ARSG: variants seen among roughly 807,000 people sequenced by gnomAD.
The protein encoded by ARSG is ASG.
In ARSG, 37 loss-of-function variants were observed where a neutral mutation model predicts 50.5. The observed-to-expected ratio is 0.73, with a 90% CI of 0.56 to 0.96. ARSG has a LOEUF of 0.96. Ranked by LOEUF, ARSG falls within the 50% of genes least tolerant of loss-of-function variation. The pLI is 0.00. For missense variants in ARSG, 629 were observed against 675.3 expected (o/e 0.93, Z 0.76); for synonymous variants, 225 against 254.6 (o/e 0.88, Z 1.11).
chr17:68,437,576 G>A, the ARSG span, among the ~76,000 whole-genome samples: 8 of 151,780 alleles, frequency 5.3e-5, no homozygotes, highest in African/African-American at 1.9e-4. Flanking sequence ...AAGAAACCGA[G>A]CAATTTCTGA....
intron 10 of ARSG, among the ~76,000 whole-genome samples, chr17:68,398,197 T>C (rs887698603): frequency 1.2e-4 from 19 of 152,230 alleles, no homozygotes; most frequent in African/African-American, 2.9e-4. Context: ...CGCATATGCA[T>C]GTGTCTATAT....
chr17:68,427,233 G>C, downstream of ARSG: 1 of 1,613,948 alleles, frequency 6.2e-7, no homozygotes, highest in South Asian at 1.1e-5. Flanking sequence ...ATTCTCTTCT[G>C]TTGTTCCTGA....
At chr17:68,414,202 A>G (rs999399976) in intron 11 of ARSG, 4 of 152,076 alleles carry the variant, frequency 2.6e-5, no homozygotes, top group African/African-American at 9.7e-5. Context: ...TTGTATGCCG[A>G]TTTTGCTGAG....
chr17:68,430,314 C>T, the ARSG span, among the ~76,000 whole-genome samples: 8 of 152,180 alleles, frequency 5.3e-5, no homozygotes, highest in Admixed American at 2.6e-4. Flanking sequence ...CAATCCAGGA[C>T]GTATTATTCT....
At chr17:68,407,201 GGT>G (rs754117697) in intron 11 of ARSG, among the ~76,000 whole-genome samples, 42 of 151,976 alleles carry the variant, frequency 2.8e-4, no homozygotes, top group African/African-American at 8.5e-4. Context: ...TTTATTTCTG[GGT>G]TCTCTATTCT....
At chr17:68,376,590 C>T (rs1174293473) in intron 8 of ARSG, among the ~76,000 whole-genome samples, 1 of 151,986 alleles carries the variant, frequency 6.6e-6, no homozygotes, top group African/African-American at 2.4e-5. Flanking sequence ...TGCACCTGTC[C>T]TATGCCTAGC....
the ARSG span, chr17:68,436,619 G>A: frequency 2.9e-6 from 2 of 696,272 alleles, no homozygotes; most frequent in African/African-American, 1.8e-5. Context: ...ACTGCTTTCC[G>A]CTGATGATTC....
intron 1 of ARSG, among the ~76,000 whole-genome samples, chr17:68,286,338 G>A (rs1568419348): frequency 6.6e-6 from 1 of 152,126 alleles, no homozygotes; most frequent in Non-Finnish European, 1.5e-5. Context: ...AAAGCTGAAG[G>A]GGAAAATTGA....
At chr17:68,433,438 T>G in the ARSG span, 55 of 1,593,514 alleles carry the variant, frequency 3.5e-5, no homozygotes, top group Non-Finnish European at 4.3e-5. Context: ...TTTCGTTTAA[T>G]GAGCATTTGG....
intron 9 of ARSG, among the ~76,000 whole-genome samples, chr17:68,386,679 T>C (rs995910227): frequency 1.3e-5 from 2 of 152,112 alleles, no homozygotes; most frequent in Non-Finnish European, 2.9e-5. Flanking sequence ...TAGGGCTGAC[T>C]TGGTGTAGTC....
intron 9 of ARSG, among the ~76,000 whole-genome samples, chr17:68,394,655 G>A (rs1318137486): frequency 6.6e-6 from 1 of 151,986 alleles, no homozygotes; most frequent in African/African-American, 2.4e-5. Context: ...GAATAAACAT[G>A]TTTGATTTAT....
At chr17:68,343,515 A>G in intron 2 of ARSG, 89 bp from the exon 3 acceptor site, 3 of 1,263,328 alleles carry the variant, frequency 2.4e-6, no homozygotes, top group Non-Finnish European at 3.3e-6. Flanking sequence ...TTGAGCACTG[A>G]AATTGCAGGA....
the ARSG span, chr17:68,433,407 G>T: frequency 7.0e-7 from 1 of 1,425,090 alleles, no homozygotes; most frequent in Non-Finnish European, 9.9e-7. Flanking sequence ...CATGCCAGTA[G>T]AAGAGCCTAG....
intron 1 of ARSG, among the ~76,000 whole-genome samples, chr17:68,272,215 G>T (rs2075365249): frequency 6.6e-6 from 1 of 152,174 alleles, no homozygotes; most frequent in Non-Finnish European, 1.5e-5. Context: ...TGGGATTACA[G>T]GTGTAAGCCA....
At chr17:68,304,024 C>T (rs1555762983) in intron 1 of ARSG, among the ~76,000 whole-genome samples, 1 of 152,188 alleles carries the variant, frequency 6.6e-6, no homozygotes, top group African/African-American at 2.4e-5. Context: ...ACTGAAGAAA[C>T]ACAATCTGTT....
downstream of ARSG, chr17:68,426,252 G>GGGGGA: frequency 2.4e-6 from 2 of 828,182 alleles, no homozygotes; most frequent in Non-Finnish European, 3.8e-6. Context: ...TGGGGAGCGG[G>GGGGGA]GGCTCAAATA....
intron 6 of ARSG, among the ~76,000 whole-genome samples, 197 bp downstream of exon 6, chr17:68,357,001 T>C (rs1345407398): frequency 6.6e-6 from 1 of 152,182 alleles, no homozygotes; most frequent in Non-Finnish European, 1.5e-5. Context: ...GGATTAGAGA[T>C]TCCTCAGGTA....
rs148737314 is a variant in ARSG at position 68,398,811 on chromosome 17, G to A, written c.1213-2549G>A. 7.7e-4 allele frequency among the ~76,000 whole-genome samples: 117 copies of A among 152,338 alleles called. 1 individual carries two copies. Among genetic ancestry groups the A allele is most frequent in the East Asian group, 5.0e-3 (26 of 5,188 alleles). On this transcript the variant is annotated intron_variant, in intron 10 of 11. Coordinates refer to ENST00000621439, the MANE Select transcript of ARSG (RefSeq NM_001267727.2). ...CTCTGTGATGTTCGAAACCACATCA[G>A]CTGACACCATGCTGCATATTCTTGC... is the stretch of plus-strand genomic sequence containing the variant.
intron 5 of ARSG, among the ~76,000 whole-genome samples, chr17:68,353,198 CT>C (rs1869944687): frequency 6.6e-6 from 1 of 150,952 alleles, no homozygotes; most frequent in Admixed American, 6.6e-5. Flanking sequence ...ACCACAATTA[CT>C]TTTGCACCAA....
Sources: gnomAD v4.1 joint callset for allele counts (sites outside exome capture counted in the v4.1 genomes callset) on GRCh38, gnomAD v4.1.1 for gene constraint, MANE v1.5 for transcripts, NCBI Gene and HGNC (gene_info 2026-07-23, HGNC 2026-07-21) for gene names.